IGSF21: variants seen among roughly 807,000 people sequenced by gnomAD.
IGSF21 encodes the protein immunoglobulin superfamily member 21.
In IGSF21, 28 loss-of-function variants were observed where a neutral mutation model predicts 46.8. That is an observed-to-expected ratio of 0.60 (90% confidence interval 0.44 to 0.82). The LOEUF (loss-of-function observed/expected upper bound fraction) is 0.82, where lower values mean the gene tolerates loss of function less well. Among genes scored for constraint, IGSF21 ranks in the 40% least tolerant of loss-of-function variants. The pLI, the probability that IGSF21 is intolerant of heterozygous loss-of-function variation, is 0.00. For missense variants in IGSF21, 624 were observed against 665.5 expected, an observed-to-expected ratio of 0.94 and a Z score of 0.69; for synonymous variants, 284 against 273.6, an observed-to-expected ratio of 1.04 and a Z score of -0.38.
At chr1:18,253,349 T>G (rs1363732838) in intron 2 of IGSF21, among the ~76,000 whole-genome samples, 1 of 152,230 alleles carries the variant, frequency 6.6e-6, no homozygotes, top group Non-Finnish European at 1.5e-5. Context: ...TTCTGTTGTT[T>G]GCCTTGAATC....
intron 1 of IGSF21, among the ~76,000 whole-genome samples, chr1:18,108,554 G>A (rs969181427): frequency 6.6e-6 from 1 of 151,778 alleles, no homozygotes; most frequent in Non-Finnish European, 1.5e-5. Flanking sequence ...AGTGAGCGAG[G>A]GTCTGGATGG....
chr1:18,326,829 G>T (rs539092100), intron 3 of IGSF21, among the ~76,000 whole-genome samples: 14 of 152,146 alleles, frequency 9.2e-5, no homozygotes, highest in Admixed American at 2.6e-4. Flanking sequence ...TGCAGGAAGG[G>T]TTTATGTTGG....
chr1:18,247,813 G>A (rs1325624902), intron 2 of IGSF21, among the ~76,000 whole-genome samples: 1 of 152,194 alleles, frequency 6.6e-6, no homozygotes, highest in Non-Finnish European at 1.5e-5. Context: ...TTCTATAGAT[G>A]AGGAGACAGA....
intron 2 of IGSF21, among the ~76,000 whole-genome samples, chr1:18,286,498 G>C (rs1030496910): frequency 2.6e-5 from 4 of 152,204 alleles, no homozygotes; most frequent in African/African-American, 4.8e-5. Flanking sequence ...AGCCTCTTCT[G>C]TCTGGTCCAG....
At chr1:18,122,193 C>CTTTTTTTTTTTTTTTTTTTTTTTTTT (rs766563472) in intron 1 of IGSF21, among the ~76,000 whole-genome samples, 2 of 78,758 alleles carry the variant, frequency 2.5e-5, no homozygotes, top group African/African-American at 9.5e-5. Flanking sequence ...TTCTTTCTTT[C>CTTTTTTTTTTTTTTTTTTTTTTTTTT]TTTTTTTTTT....
At chr1:18,284,026 C>T (rs1370063093) in intron 2 of IGSF21, among the ~76,000 whole-genome samples, 1 of 152,188 alleles carries the variant, frequency 6.6e-6, no homozygotes, top group Non-Finnish European at 1.5e-5. Context: ...TCGGAAACCA[C>T]ACGTTTCAGA....
At position 18,172,909 on chromosome 1, in the gene IGSF21, G is replaced by GGTGTGT. The variant is rs111516776; in HGVS notation, c.71-54981_71-54976dup. Among the ~76,000 whole-genome samples the GGTGTGT allele has an allele frequency of 5.3e-5, 8 of 152,040 alleles. 1 individual carries two copies. The highest frequency in any genetic ancestry group is 1.9e-4 in the African/African-American group (8 of 41,458). ...TCTGTGCTAGTCAAGCATCCCCTCT[G>GGTGTGT]GTGTGTGTGTGTGACTCAATCCATA... On this transcript the variant is annotated intron_variant, in intron 1 of 9. Coordinates refer to ENST00000251296, the MANE Select transcript of IGSF21 (RefSeq NM_032880.5).
intron 1 of IGSF21, among the ~76,000 whole-genome samples, chr1:18,198,126 A>C (rs956410885): frequency 2.0e-5 from 3 of 152,236 alleles, no homozygotes; most frequent in Admixed American, 6.5e-5. Context: ...GATATTTTGC[A>C]ATCCTTTGAA....
At chr1:18,200,233 G>T (rs920708574) in intron 1 of IGSF21, among the ~76,000 whole-genome samples, 4 of 152,244 alleles carry the variant, frequency 2.6e-5, no homozygotes, top group Non-Finnish European at 5.9e-5. Context: ...TCCTGACAAA[G>T]AGAGTTTAAG....
intron 1 of IGSF21, among the ~76,000 whole-genome samples, chr1:18,194,250 G>C (rs543043154): frequency 6.6e-6 from 1 of 152,318 alleles, no homozygotes; most frequent in African/African-American, 2.4e-5. Flanking sequence ...AAAGGGAGGA[G>C]AGCGAACATG....
intron 2 of IGSF21, among the ~76,000 whole-genome samples, chr1:18,286,957 G>A (rs929601429): frequency 1.3e-5 from 2 of 151,970 alleles, no homozygotes; most frequent in Non-Finnish European, 2.9e-5. Context: ...CGAGGCGGGC[G>A]GATCACGAGG....
chr1:18,201,661 C>A (rs2087076319), intron 1 of IGSF21, among the ~76,000 whole-genome samples: 1 of 152,092 alleles, frequency 6.6e-6, no homozygotes, highest in Non-Finnish European at 1.5e-5. Flanking sequence ...AGGGAAATAG[C>A]AAGGAACAGG....
chr1:18,365,906 A>C lies in IGSF21; in HGVS notation c.1015+209A>C, dbSNP rs775165674. On this transcript the variant is annotated intron_variant, in intron 6 of 9. Transcript: ENST00000251296. The surrounding 1 kb of genome is among the most constrained non-coding windows in gnomAD (Gnocchi z 4.8). ...GAAGATGGGAGGTACCCACAGGCCA[A>C]GGTAGTTTGCTGGGTTGAGCCAAGA... Among the ~76,000 whole-genome samples, 11 of 152,162 alleles carry C rather than the reference A, an allele frequency of 7.2e-5. No individual in the cohort carries two copies. Among genetic ancestry groups the C allele is most frequent in the Non-Finnish European group, 1.3e-4 (9 of 68,036 alleles).
chr1:18,192,479 G>A (rs1381754087), intron 1 of IGSF21, among the ~76,000 whole-genome samples: 1 of 152,230 alleles, frequency 6.6e-6, no homozygotes, highest in Non-Finnish European at 1.5e-5. Flanking sequence ...CACAGTTAGC[G>A]CCATGTGGGT....
chr1:18,323,997 C>G (rs973488513), intron 3 of IGSF21, among the ~76,000 whole-genome samples: 2 of 152,076 alleles, frequency 1.3e-5, no homozygotes, highest in East Asian at 1.9e-4. Context: ...CCCTGTCCAG[C>G]GCTGCCCCAT....
intron 1 of IGSF21, among the ~76,000 whole-genome samples, chr1:18,124,043 T>C (rs1011497911): frequency 2.6e-5 from 4 of 152,178 alleles, no homozygotes; most frequent in Admixed American, 1.3e-4. Flanking sequence ...GGACAGGGCT[T>C]CAGAGCAAGA....
chr1:18,291,323 C>G (rs1324895534), intron 2 of IGSF21, among the ~76,000 whole-genome samples: 1 of 152,216 alleles, frequency 6.6e-6, no homozygotes, highest in South Asian at 2.1e-4. Context: ...ACGCTGTCCC[C>G]GTCTGCATCG....
At chr1:18,151,438 G>A (rs1021368706) in intron 1 of IGSF21, among the ~76,000 whole-genome samples, 6 of 152,180 alleles carry the variant, frequency 3.9e-5, no homozygotes, top group Admixed American at 3.3e-4. Context: ...GTCTGCTGAA[G>A]AGTGAAGAGA....
chr1:18,227,833 C>T (rs1514777), intron 1 of IGSF21, 65 bp from the exon 2 acceptor site: 2 of 1,176,074 alleles, frequency 1.7e-6, no homozygotes, highest in Non-Finnish European at 2.6e-6. Context: ...CTGGCCCTGC[C>T]CTCATCAGCC....
Sources: allele counts gnomAD v4.1 joint callset (sites outside exome capture counted in the v4.1 genomes callset), GRCh38; gene constraint gnomAD v4.1.1; non-coding constraint Gnocchi (gnomAD v3.1); transcripts MANE v1.5; gene names NCBI Gene and HGNC (gene_info 2026-07-23, HGNC 2026-07-21).